The following MCM9 variants were observed in gnomAD, a reference collection of about 807,000 sequenced individuals.
MCM9 encodes minichromosome maintenance 9 homologous recombination repair factor.
MCM9 carries 55 observed loss-of-function variants against 72.8 expected under a neutral mutation model. The observed-to-expected ratio is 0.76, with a 90% confidence interval of 0.61 to 0.95. The LOEUF is 0.95. Ranked by LOEUF, MCM9 falls within the 40% of genes least tolerant of loss-of-function variation. The pLI, the probability that MCM9 is intolerant of heterozygous loss-of-function variation, is 0.00. For missense variants in MCM9, 1,279 were observed against 1,377.0 expected, an observed-to-expected ratio of 0.93 and a Z score of 1.13; for synonymous variants, 480 against 503.4, an observed-to-expected ratio of 0.95 and a Z score of 0.62.
intron 8 of MCM9, chr6:118,893,979 C>T (rs1268382288): frequency 3.2e-5 from 31 of 982,742 alleles, no homozygotes; most frequent in South Asian, 4.6e-5. Flanking sequence ...CTCTCCGCGC[C>T]GCCGCCGGCG....
At position 118,815,901 on chromosome 6, in the gene MCM9, C is replaced by T. The variant is rs1386743122; in HGVS notation, c.2355G>A (p.Glu785=). The part of the protein sequence containing the change: ...KISNSTSQGK[E]KSEPGQRSKV... ...TGCTCCTTTGGCCTGGCTCACTCTT[C>T]TCCTTACCCTGAGATGTGCTGTTAG... Residue 785 remains glutamate, a synonymous_variant, in exon 14 of 14, where the codon GAG becomes GAA. Coordinates refer to ENST00000619706, the MANE Select transcript of MCM9 (RefSeq NM_017696.3). 1.3e-6 allele frequency: 2 copies of T among 1,545,330 alleles called. No individual in the cohort carries two copies. Among genetic ancestry groups the T allele is most frequent in the African/African-American group, 2.7e-5 (2 of 73,044 alleles).
In MCM9 at chr6:118,924,041, T is replaced by C. The variant is rs1781664784; in HGVS notation, c.391A>G (p.Ile131Val). Residue 131 changes from isoleucine to valine, a missense_variant, in exon 4 of 14, where the codon ATT (isoleucine) becomes GTT (valine). Ile to Val is a conservative substitution (Grantham distance 29, BLOSUM62 3). Transcript: ENST00000619706. ...AGAACCTTCACCAGACTTGTTCGAA[T>C]CACTGTCCCAGTGACAGATAAAAAG... The part of the protein sequence containing the change: ...GHFLSVTGTV[I>V]RTSLVKVLEF... The C allele has an allele frequency of 6.2e-7, 1 of 1,614,222 alleles. No homozygotes were observed. The highest frequency in any genetic ancestry group is 8.5e-7 in the Non-Finnish European group (1 of 1,180,032).
chr6:118,843,327 A>G (rs991659285), intron 9 of MCM9, among the ~76,000 whole-genome samples: 4 of 151,356 alleles, frequency 2.6e-5, no homozygotes, highest in Non-Finnish European at 5.9e-5. Flanking sequence ...TAAGTGACAC[A>G]TTAAAAAAAA....
chr6:118,895,270 G>A (rs1258320321), intron 8 of MCM9, among the ~76,000 whole-genome samples: 2 of 152,018 alleles, frequency 1.3e-5, no homozygotes, highest in African/African-American at 4.8e-5. Context: ...GCCGGCGCCC[G>A]GGATGCGCCG....
At chr6:118,913,520 C>A in intron 6 of MCM9, 100 bp from the exon 7 acceptor site, 1 of 1,445,034 alleles carries the variant, frequency 6.9e-7, no homozygotes, top group South Asian at 1.3e-5. Flanking sequence ...TTTAAATATA[C>A]TCTACTATGT....
chr6:118,857,807 C>A (rs921388777), intron 8 of MCM9, among the ~76,000 whole-genome samples: 2 of 151,974 alleles, frequency 1.3e-5, no homozygotes, highest in African/African-American at 4.8e-5. Flanking sequence ...CAAAGTTTAT[C>A]TAAAAAGGAA....
At chr6:118,833,138 T>C (rs887879704) in intron 9 of MCM9, among the ~76,000 whole-genome samples, 1 of 152,088 alleles carries the variant, frequency 6.6e-6, no homozygotes, top group Middle Eastern at 3.2e-3. Context: ...CCCGGAATCA[T>C]TGTCGGAGCA....
At chr6:118,850,655 T>C (rs963966241) in intron 9 of MCM9, among the ~76,000 whole-genome samples, 4 of 151,858 alleles carry the variant, frequency 2.6e-5, no homozygotes, top group African/African-American at 9.7e-5. Flanking sequence ...TGTTGGTATT[T>C]GTTGTCCTGA....
chr6:118,826,335 T>C, intron 12 of MCM9, 43 bp from the exon 13 acceptor site: 1 of 1,533,902 alleles, frequency 6.5e-7, no homozygotes, highest in Non-Finnish European at 8.8e-7. Flanking sequence ...CAGGCCAGCC[T>C]GCATAGCGGT....
intron 12 of MCM9, among the ~76,000 whole-genome samples, chr6:118,826,546 G>A (rs542486145): frequency 1.3e-5 from 2 of 152,218 alleles, no homozygotes; most frequent in Admixed American, 6.5e-5. Context: ...GGAAAAAAAC[G>A]ATCGAAGCGC....
chr6:118,890,073 T>C (rs1039851627), intron 8 of MCM9, among the ~76,000 whole-genome samples: 4 of 152,226 alleles, frequency 2.6e-5, no homozygotes, highest in African/African-American at 9.7e-5. Context: ...GCTTGACATC[T>C]GTAGTACCCC....
At chr6:118,855,424 C>G (rs1007203542) in intron 9 of MCM9, among the ~76,000 whole-genome samples, 3 of 152,128 alleles carry the variant, frequency 2.0e-5, no homozygotes, top group Non-Finnish European at 2.9e-5. Context: ...CATAGCAGGT[C>G]TTTAATGAGT....
At chr6:118,889,595 G>C (rs1165470962) in intron 8 of MCM9, among the ~76,000 whole-genome samples, 2 of 152,208 alleles carry the variant, frequency 1.3e-5, no homozygotes, top group African/African-American at 4.8e-5. Context: ...GTAGAGACTT[G>C]AGTTCAAGAG....
intron 9 of MCM9, among the ~76,000 whole-genome samples, chr6:118,837,897 T>G (rs1471095317): frequency 2.0e-5 from 3 of 152,204 alleles, no homozygotes; most frequent in African/African-American, 7.2e-5. Flanking sequence ...TTTGATCCTG[T>G]TATTATGATG....
intron 8 of MCM9, among the ~76,000 whole-genome samples, chr6:118,899,356 T>C (rs1282373319): frequency 6.6e-6 from 1 of 152,170 alleles, no homozygotes; most frequent in Admixed American, 6.5e-5. Flanking sequence ...TCCTCAATCA[T>C]AGGGTTTGGT....
intron 9 of MCM9, among the ~76,000 whole-genome samples, chr6:118,835,784 G>A (rs1182926519): frequency 2.6e-5 from 4 of 152,172 alleles, no homozygotes; most frequent in Non-Finnish European, 5.9e-5. Context: ...ATACAATCAT[G>A]TCATCTGCAG....
chr6:118,888,644 A>G lies in MCM9; in HGVS notation c.1150+23006T>C, dbSNP rs150674575. ...TTTGTACACATATGTTAATAGCAGC[A>G]TTTTGTGTAATAGCCAAAAAGTAGA... is the stretch of plus-strand genomic sequence containing the variant. On this transcript the variant is annotated intron_variant, in intron 8 of 13. Coordinates refer to ENST00000619706, the MANE Select transcript of MCM9 (RefSeq NM_017696.3). Among the ~76,000 whole-genome samples, 420 of 152,334 alleles carry G rather than the reference A, an allele frequency of 2.8e-3. 3 individuals carry two copies. Among genetic ancestry groups the G allele is most frequent in the African/African-American group, 9.3e-3 (388 of 41,562 alleles).
At chr6:118,922,694 G>A (rs1214763060) in intron 4 of MCM9, among the ~76,000 whole-genome samples, 2 of 152,218 alleles carry the variant, frequency 1.3e-5, no homozygotes, top group East Asian at 1.9e-4. Context: ...GTTGTAGCCA[G>A]CATCCTGGCC....
At chr6:118,902,528 CTTTTTT>C (rs33980013) in intron 8 of MCM9, among the ~76,000 whole-genome samples, 7 of 131,526 alleles carry the variant, frequency 5.3e-5, no homozygotes, top group African/African-American at 1.4e-4. Context: ...ACTGATAATA[CTTTTTT>C]TTTTTTTTTT....
Sources: gnomAD v4.1 joint callset for allele counts (sites outside exome capture counted in the v4.1 genomes callset) on GRCh38, gnomAD v4.1.1 for gene constraint, MANE v1.5 for transcripts, NCBI Gene and HGNC (gene_info 2026-07-23, HGNC 2026-07-21) for gene names.